The following KCNB2 variants were observed in gnomAD, a reference collection of about 807,000 sequenced individuals.
The protein encoded by KCNB2 is delayed rectifier potassium channel protein.
Under a neutral mutation model 61.5 loss-of-function variants are expected in KCNB2, and 15 were observed. The observed-to-expected ratio is 0.24, with a 90% CI of 0.16 to 0.38. The LOEUF is 0.38. KCNB2 is among the 10% of genes least tolerant of loss of function. The pLI is 1.00. For synonymous variants in KCNB2, 457 were observed against 446.0 expected (o/e 1.02, Z -0.31); for missense variants, 828 against 1,125.2 (o/e 0.74, Z 3.78).
At position 72,630,746 on chromosome 8, in the gene KCNB2, C is replaced by A. The variant is rs142056661; in HGVS notation, c.579+62433C>A. 5.6e-4 allele frequency among the ~76,000 whole-genome samples: 86 copies of A among 152,252 alleles called. 1 individual carries two copies. Among genetic ancestry groups the A allele is most frequent in the African/African-American group, 2.0e-3 (81 of 41,538 alleles). On this transcript the variant is annotated intron_variant, in intron 2 of 2. Transcript: ENST00000523207. ...CCAAATTAGTGGCCAGTAACCTATA[C>A]CTAAAGTTTTCAACTATCAGATTTG...
intron 2 of KCNB2, among the ~76,000 whole-genome samples, chr8:72,816,336 C>T (rs1238709631): frequency 6.6e-6 from 1 of 152,204 alleles, no homozygotes; most frequent in Non-Finnish European, 1.5e-5. Flanking sequence ...ATTTTAACAA[C>T]ATTTACAATT....
chr8:72,744,930 C>T (rs185985536), intron 2 of KCNB2, among the ~76,000 whole-genome samples: 56 of 152,340 alleles, frequency 3.7e-4, no homozygotes, highest in Non-Finnish European at 5.1e-4. Context: ...GGCTGCCCCA[C>T]TGGATCCTGT....
At chr8:72,587,465 T>G (rs994054212) in intron 2 of KCNB2, among the ~76,000 whole-genome samples, 1 of 152,240 alleles carries the variant, frequency 6.6e-6, no homozygotes, top group Admixed American at 6.5e-5. Context: ...GGCTCACACC[T>G]TTAATCCCAG....
In KCNB2 at chr8:72,843,815, T is replaced by G. The variant is rs185202179; in HGVS notation, c.580-92120T>G. 7.4e-3 allele frequency among the ~76,000 whole-genome samples: 1,123 copies of G among 152,344 alleles called. 14 individuals are homozygous for G. The highest frequency in any genetic ancestry group is 0.02 in the African/African-American group (846 of 41,570). ...TAAATATTCCTCCATCCCTTTATTT[T>G]GAGCCTATGTATGTCTTTGAACGTG... On this transcript the variant is annotated intron_variant, in intron 2 of 2. Transcript: ENST00000523207.
chr8:72,619,793 T>C (rs757490070), intron 2 of KCNB2, among the ~76,000 whole-genome samples: 1 of 152,202 alleles, frequency 6.6e-6, no homozygotes, highest in Non-Finnish European at 1.5e-5. Flanking sequence ...AACAAAATAA[T>C]CTTCAAAACT....
intron 2 of KCNB2, among the ~76,000 whole-genome samples, chr8:72,635,474 G>A (rs1481468704): frequency 6.6e-6 from 1 of 152,144 alleles, no homozygotes; most frequent in Admixed American, 6.5e-5. Context: ...AGGCCCCAAA[G>A]GAACTCCATG....
intron 2 of KCNB2, among the ~76,000 whole-genome samples, chr8:72,790,737 A>G (rs1808929247): frequency 6.6e-6 from 1 of 152,112 alleles, no homozygotes; most frequent in Non-Finnish European, 1.5e-5. Context: ...GATACTTTTT[A>G]AAGTTTTCAT....
chr8:72,745,807 T>C (rs1808053293), intron 2 of KCNB2, among the ~76,000 whole-genome samples: 1 of 152,140 alleles, frequency 6.6e-6, no homozygotes, highest in African/African-American at 2.4e-5. Context: ...AATCACATAG[T>C]TGGTCTTCCT....
At chr8:72,643,211 ATGGAAAGAAGGG>A (rs1806081898) in intron 2 of KCNB2, among the ~76,000 whole-genome samples, 1 of 152,126 alleles carries the variant, frequency 6.6e-6, no homozygotes, top group Non-Finnish European at 1.5e-5. Flanking sequence ...GAAAGGAAGG[ATGGAAAGAAGGG>A]TGGAAAGAAG....
chr8:72,600,045 A>G (rs941744997), intron 2 of KCNB2, among the ~76,000 whole-genome samples: 4 of 152,354 alleles, frequency 2.6e-5, no homozygotes, highest in Non-Finnish European at 5.9e-5. Context: ...TGATTCCTCA[A>G]GGATCTAGAA....
Position 72,656,811 on chromosome 8 carries a change from G to A in KCNB2, c.579+88498G>A, listed in dbSNP as rs150523576. ...CACCGTGGAACCTAGTTTTTTTTCA[G>A]TAGAGGTCATAGATTTCCTCAGTGA... On this transcript the variant is annotated intron_variant, in intron 2 of 2. Coordinates refer to ENST00000523207, the MANE Select transcript of KCNB2 (RefSeq NM_004770.3). 5.7e-4 allele frequency among the ~76,000 whole-genome samples: 86 copies of A among 152,046 alleles called. 1 individual carries two copies. Among genetic ancestry groups the A allele is most frequent in the African/African-American group, 2.0e-3 (81 of 41,500 alleles).
At chr8:72,773,070 TC>T (rs1808586391) in intron 2 of KCNB2, among the ~76,000 whole-genome samples, 2 of 152,222 alleles carry the variant, frequency 1.3e-5, no homozygotes, top group Admixed American at 6.5e-5. Flanking sequence ...TCCTCTTTAG[TC>T]CATCCTCTCA....
chr8:72,681,219 C>G (rs1379950180), intron 2 of KCNB2, among the ~76,000 whole-genome samples: 1 of 149,996 alleles, frequency 6.7e-6, no homozygotes, highest in Non-Finnish European at 1.5e-5. Flanking sequence ...AACAGTGTAA[C>G]AAAAAATTAA....
chr8:72,631,533 C>A (rs1333443989), intron 2 of KCNB2, among the ~76,000 whole-genome samples: 1 of 152,158 alleles, frequency 6.6e-6, no homozygotes, highest in Non-Finnish European at 1.5e-5. Flanking sequence ...TTAGGGCTCA[C>A]CCTAATGACC....
chr8:72,903,202 G>T (rs190077556), intron 2 of KCNB2, among the ~76,000 whole-genome samples: 22 of 152,288 alleles, frequency 1.4e-4, no homozygotes, highest in African/African-American at 4.1e-4. Context: ...AGGACAAGTG[G>T]TTTATTTGAG....
chr8:72,837,850 T>C (rs1277249826), intron 2 of KCNB2, among the ~76,000 whole-genome samples: 3 of 152,116 alleles, frequency 2.0e-5, no homozygotes, highest in Admixed American at 1.3e-4. Context: ...AAAAATTATT[T>C]ACTAACTAAT....
chr8:72,923,032 G>T (rs1459030078), intron 2 of KCNB2, among the ~76,000 whole-genome samples: 1 of 150,986 alleles, frequency 6.6e-6, no homozygotes, highest in African/African-American at 2.4e-5. Context: ...GTTGGGGGGT[G>T]GGGGGAGCTT....
chr8:72,721,810 CTT>C (rs970825383), intron 2 of KCNB2, among the ~76,000 whole-genome samples: 2 of 152,210 alleles, frequency 1.3e-5, no homozygotes, highest in African/African-American at 4.8e-5. Flanking sequence ...GCACCTTCCT[CTT>C]TGACATAACT....
At chr8:72,539,334 A>G (rs1233340843) in intron 1 of KCNB2, among the ~76,000 whole-genome samples, 1 of 152,230 alleles carries the variant, frequency 6.6e-6, no homozygotes, top group Non-Finnish European at 1.5e-5. Flanking sequence ...CAACGTAGAA[A>G]TAACTTTCTT....
Sources: allele counts gnomAD v4.1 joint callset (sites outside exome capture counted in the v4.1 genomes callset), GRCh38; gene constraint gnomAD v4.1.1; transcripts MANE v1.5; gene names NCBI Gene and HGNC (gene_info 2026-07-23, HGNC 2026-07-21).